SETDB1: variants seen among roughly 807,000 people sequenced by gnomAD.
SETDB1 encodes the protein histone-lysine N-methyltransferase SETDB1.
SETDB1 carries 31 observed loss-of-function variants against 137.4 expected under a neutral mutation model. That is an observed-to-expected ratio of 0.23 (90% CI 0.17 to 0.30). The LOEUF is 0.30. SETDB1 is among the 10% of genes least tolerant of loss of function. SETDB1 has a pLI of 1.00. For synonymous variants in SETDB1, 548 were observed against 579.9 expected (o/e 0.95, Z 0.79); for missense variants, 1,113 against 1,631.5 (o/e 0.68, Z 5.47).
intron 3 of SETDB1, among the ~76,000 whole-genome samples, chr1:150,932,383 A>G (rs1248014156): frequency 2.0e-5 from 3 of 152,252 alleles, no homozygotes; most frequent in African/African-American, 7.2e-5. Context: ...CTGAGTTTGT[A>G]TGGAATGATA....
chr1:150,960,954 T>C lies in SETDB1; in HGVS notation c.2895T>C (p.Pro965=), dbSNP rs587645255. The change falls in exon 16 of 22, where the codon CCT becomes CCC. Residue 965 remains proline (P), a synonymous_variant. Transcript: ENST00000692827. Reference sequence around the variant, plus strand: ...ATATTCCTGTTCCTCCCTCAATCCCTGTAGGTGGCTGCAATCCACCTTCCT... The same window carrying C: ...ATATTCCTGTTCCTCCCTCAATCCCCGTAGGTGGCTGCAATCCACCTTCCT... ...PPHIPVPPSI[P]VGGCNPPSSE... 6.2e-7 allele frequency: 1 copy of C among 1,613,374 alleles called. No individual in the cohort carries two copies. The highest frequency in any genetic ancestry group is 1.7e-5 in the Admixed American group (1 of 59,964).
At chr1:150,948,484 TGG>T (rs1338336815) in intron 10 of SETDB1, among the ~76,000 whole-genome samples, 3 of 152,062 alleles carry the variant, frequency 2.0e-5, no homozygotes, top group African/African-American at 7.2e-5. Context: ...TTGGCCAGGC[TGG>T]TCTTGAACTC....
At chr1:150,930,901 C>G (rs587641768) in intron 3 of SETDB1, among the ~76,000 whole-genome samples, 1 of 152,066 alleles carries the variant, frequency 6.6e-6, no homozygotes, top group African/African-American at 2.4e-5. Flanking sequence ...TCCTTTCTAC[C>G]CTGGATATCT....
intron 13 of SETDB1, 76 bp from the exon 14 acceptor site, chr1:150,951,289 T>C (rs768932559): frequency 8.3e-7 from 1 of 1,199,950 alleles, no homozygotes. Flanking sequence ...CTGAGCAACC[T>C]TGGGTACATG....
At chr1:150,959,853 C>T (rs1670766212) in intron 15 of SETDB1, among the ~76,000 whole-genome samples, 1 of 152,142 alleles carries the variant, frequency 6.6e-6, no homozygotes, top group African/African-American at 2.4e-5. Context: ...GGGTGGATCA[C>T]CTGAGGTCAG....
At chr1:150,939,911 A>T (rs759681747) in intron 3 of SETDB1, 29 bp from the exon 4 acceptor site, 2 of 1,589,126 alleles carry the variant, frequency 1.3e-6, no homozygotes, top group Admixed American at 3.5e-5. Flanking sequence ...TAAGTCTCTG[A>T]CACTCATTAG....
chr1:150,948,737 T>A (rs1339837597), intron 10 of SETDB1, among the ~76,000 whole-genome samples: 5 of 151,998 alleles, frequency 3.3e-5, no homozygotes, highest in Admixed American at 6.5e-5. Context: ...TGCTTTTTTT[T>A]TTTGAGACGA....
chr1:150,938,598 G>A (rs1005388288), intron 3 of SETDB1, among the ~76,000 whole-genome samples: 10 of 151,320 alleles, frequency 6.6e-5, no homozygotes, highest in East Asian at 6.0e-4. Flanking sequence ...CCCAGGTCCC[G>A]GTTCAAGTGA....
Position 150,956,095 on chromosome 1 carries a change from A to AAAAAAT in SETDB1, c.2334-3078_2334-3077insTAAAAA, listed in dbSNP as rs758383164. Among the ~76,000 whole-genome samples the AAAAAAT allele has an allele frequency of 8.5e-3, 1,265 of 149,078 alleles. 42 individuals are homozygous for AAAAAAT. The highest frequency in any genetic ancestry group is 0.012 in the Non-Finnish European group (814 of 67,250). On this transcript the variant is annotated intron_variant, in intron 14 of 21. Transcript: ENST00000692827. Reference sequence around the variant, plus strand: ...CGACAGAAGGAGACTTCGTCTCAAAAAAAAAAAAAAAGCCAAGCGCAGTGG... The same window carrying AAAAAAT: ...CGACAGAAGGAGACTTCGTCTCAAAAAAAAATAAAAAAAAAAAGCCAAGCGCAGTGG...
intron 9 of SETDB1, among the ~76,000 whole-genome samples, chr1:150,946,579 A>T (rs991824310): frequency 6.6e-6 from 1 of 151,098 alleles, no homozygotes; most frequent in Non-Finnish European, 1.5e-5. Flanking sequence ...CTCCCGAGTA[A>T]CTGGGATTAC....
rs587629214 is a variant in SETDB1, at chr1:150,959,942, G to A, written c.2503+595G>A. Among the ~76,000 whole-genome samples the A allele has an allele frequency of 1.8e-3, 270 of 152,008 alleles. 1 individual carries two copies. The highest frequency in any genetic ancestry group is 6.1e-3 in the African/African-American group (253 of 41,468). On this transcript the variant is annotated intron_variant, in intron 15 of 21. Coordinates refer to ENST00000692827, the MANE Select transcript of SETDB1 (RefSeq NM_001366418.1). The stretch of plus-strand genomic sequence containing the variant: ...ACAAAAATTAGCCAGGTGTGGTGGT[G>A]GATGCCTGTAATCCCAGCTACTTGG...
intron 5 of SETDB1, among the ~76,000 whole-genome samples, chr1:150,942,011 A>G (rs1670177116): frequency 6.6e-6 from 1 of 151,766 alleles, no homozygotes; most frequent in South Asian, 2.1e-4. Context: ...GTGGTGGCGC[A>G]CGCCTGTAAT....
chr1:150,959,061 A>G, intron 14 of SETDB1, 117 bp from the exon 15 acceptor site: 1 of 703,756 alleles, frequency 1.4e-6, no homozygotes. Flanking sequence ...CCTAATTTTT[A>G]ATCTTTATCC....
intron 10 of SETDB1, 97 bp downstream of exon 10, chr1:150,947,109 G>A: frequency 7.1e-7 from 1 of 1,412,512 alleles, no homozygotes; most frequent in Admixed American, 2.0e-5. Context: ...TGGTTACACT[G>A]TATACTCATT....
In SETDB1 at chr1:150,960,992, C is replaced by T. The variant is rs113110991; in HGVS notation, c.2933C>T (p.Pro978Leu). The T allele has an allele frequency of 3.1e-3, 5,078 of 1,613,908 alleles. 12 individuals are homozygous for T. The highest frequency in any genetic ancestry group is 6.1e-3 in the Middle Eastern group (37 of 6,062). Residue 978 changes from proline to leucine, a missense_variant, in exon 16 of 22, where the codon CCC becomes CTC. Coordinates refer to ENST00000692827, the MANE Select transcript of SETDB1 (RefSeq NM_001366418.1). ...GCNPPSSEET[P>L]KNKVASWLSC... Reference sequence around the variant, plus strand: ...AATCCACCTTCCTCCGAAGAGACACCCAAGAACAAGGTGGCCTCATGGTTG... The same window carrying T: ...AATCCACCTTCCTCCGAAGAGACACTCAAGAACAAGGTGGCCTCATGGTTG...
At chr1:150,932,854 A>G (rs1452254502) in intron 3 of SETDB1, among the ~76,000 whole-genome samples, 2 of 152,020 alleles carry the variant, frequency 1.3e-5, no homozygotes, top group Non-Finnish European at 2.9e-5. Context: ...TTTTCCATAC[A>G]GTGTCACTCT....
At chr1:150,963,845 C>G in intron 20 of SETDB1, 104 bp downstream of exon 20, 1 of 1,336,530 alleles carries the variant, frequency 7.5e-7, no homozygotes, top group Non-Finnish European at 1.1e-6. Flanking sequence ...CTCTTGATCT[C>G]AAAGGATCTT....
intron 9 of SETDB1, 183 bp downstream of exon 9, chr1:150,945,291 G>A: frequency 6.9e-7 from 1 of 1,444,926 alleles, no homozygotes; most frequent in Non-Finnish European, 9.1e-7. Flanking sequence ...GGTCATTGTT[G>A]AAAATAAATT....
chr1:150,964,337 C>T lies in SETDB1; in HGVS notation c.3852C>T (p.Ala1284=), dbSNP rs1670921405. The change falls in exon 22 of 22, where the codon GCC becomes GCT. Residue 1284 remains alanine, a synonymous_variant. Coordinates refer to ENST00000692827, the MANE Select transcript of SETDB1 (RefSeq NM_001366418.1). ...AGGAGCTACTCTGTTGCTGTGGGGC[C>T]ATTGAATGCAGAGGACGTCTTCTTT... ...EGKELLCCCG[A]IECRGRLL 6.2e-7 allele frequency: 1 copy of T among 1,613,614 alleles called. No homozygotes were observed. Among genetic ancestry groups the T allele is most frequent in the Admixed American group, 1.7e-5 (1 of 59,984 alleles).
Sources: gnomAD v4.1 joint callset for allele counts (sites outside exome capture counted in the v4.1 genomes callset) on GRCh38, gnomAD v4.1.1 for gene constraint, MANE v1.5 for transcripts, NCBI Gene and HGNC (gene_info 2026-07-23, HGNC 2026-07-21) for gene names.